Variants in KCNH5 observed in about 807,000 individuals in gnomAD.
KCNH5 encodes the protein potassium voltage-gated channel subfamily H member 5.
Under a neutral mutation model 96.1 loss-of-function variants are expected in KCNH5, and 46 were observed. The ratio of observed to expected loss-of-function variants is 0.48; its 90% CI spans 0.38 to 0.61. The LOEUF (loss-of-function observed/expected upper bound fraction) is 0.61. Among genes scored for constraint, KCNH5 ranks in the 20% least tolerant of loss-of-function variants. KCNH5 has a pLI of 0.00. For synonymous variants in KCNH5, 439 were observed against 449.8 expected (o/e 0.98, Z 0.30); for missense variants, 907 against 1,225.8 (o/e 0.74, Z 3.88).
At position 62,707,501 on chromosome 14, in the gene KCNH5, A is replaced by G; in HGVS notation, c.*7T>C. ...TTAATATATTAACAAATATATATGT[A>G]TATATATTAAAAGTGGATTTCATCT... On this transcript the variant is annotated 3_prime_UTR_variant, in exon 11 of 11. Transcript: ENST00000322893. 7.5e-7 allele frequency: 1 copy of G among 1,324,610 alleles called. No homozygotes were observed. Among genetic ancestry groups the G allele is most frequent in the Non-Finnish European group, 1.0e-6 (1 of 990,738 alleles). 82.1% of individuals were successfully genotyped at this position (1,324,610 alleles called of 1,614,324 possible). A position where few individuals can be genotyped will look rare whatever the true frequency, so the allele number is the denominator to read the frequency against.
chr14:62,801,376 TAA>T lies in KCNH5; in HGVS notation c.1822+951_1822+952del, dbSNP rs34625867. Among the ~76,000 whole-genome samples the T allele has an allele frequency of 2.6e-3, 362 of 138,398 alleles. 1 individual carries two copies. The highest frequency in any genetic ancestry group is 5.6e-3 in the African/African-American group (211 of 37,556). The allele number at this position is 138,398 out of a possible 152,430, so 90.8% of individuals were successfully genotyped here. ...TGCAATTCTAACTTATTTTACCTGG[TAA>T]AAAAAAAAAAAAAAGAAATGATTCT... On this transcript the variant is annotated intron_variant, in intron 9 of 10. Transcript: ENST00000322893.
At chr14:63,003,540 A>AT (rs1386386460) in intron 3 of KCNH5, among the ~76,000 whole-genome samples, 4 of 108,954 alleles carry the variant, frequency 3.7e-5, no homozygotes, top group African/African-American at 1.2e-4. Context: ...TATATTATAT[A>AT]TTATATATAG....
intron 5 of KCNH5, among the ~76,000 whole-genome samples, chr14:62,982,899 C>G (rs776127732): frequency 6.6e-6 from 1 of 152,104 alleles, no homozygotes; most frequent in Non-Finnish European, 1.5e-5. Context: ...AATTACTTAA[C>G]AGCAAATCAT....
intron 8 of KCNH5, among the ~76,000 whole-genome samples, chr14:62,810,878 T>C (rs1049629310): frequency 2.6e-5 from 4 of 152,196 alleles, no homozygotes; most frequent in African/African-American, 9.6e-5. Flanking sequence ...CCCTGAATTC[T>C]TTCTTGCATG....
At chr14:62,848,548 T>C (rs1887742402) in intron 8 of KCNH5, among the ~76,000 whole-genome samples, 2 of 152,110 alleles carry the variant, frequency 1.3e-5, no homozygotes, top group Non-Finnish European at 2.9e-5. Context: ...AAGGCTTCTC[T>C]CCCTCAACTC....
chr14:62,739,752 C>G (rs1451999772), intron 10 of KCNH5, among the ~76,000 whole-genome samples: 2 of 152,094 alleles, frequency 1.3e-5, no homozygotes, highest in Non-Finnish European at 2.9e-5. Flanking sequence ...GTTCCCAGAG[C>G]TATGGCAGGG....
intron 3 of KCNH5, among the ~76,000 whole-genome samples, 153 bp from the exon 4 acceptor site, chr14:63,001,612 G>A (rs757499293): frequency 1.3e-5 from 2 of 152,182 alleles, no homozygotes; most frequent in Admixed American, 6.5e-5. Context: ...CAAACAATCC[G>A]TAAACCTTTA....
chr14:62,881,616 A>G (rs1464497231), intron 7 of KCNH5, among the ~76,000 whole-genome samples: 2 of 152,186 alleles, frequency 1.3e-5, no homozygotes, highest in Non-Finnish European at 2.9e-5. Context: ...CATTTCTAGT[A>G]GAAATCCCTC....
At chr14:62,709,628 G>T (rs1209406457) in intron 10 of KCNH5, among the ~76,000 whole-genome samples, 1 of 152,144 alleles carries the variant, frequency 6.6e-6, no homozygotes. Context: ...CATAGTACAG[G>T]TGAGGGGTTA....
At chr14:62,989,874 C>T (rs1382601726) in intron 4 of KCNH5, among the ~76,000 whole-genome samples, 1 of 151,942 alleles carries the variant, frequency 6.6e-6, no homozygotes, top group African/African-American at 2.4e-5. Context: ...GTGGTGAGGG[C>T]GTCTTTGGAT....
chr14:62,992,004 A>C (rs1235398073), intron 4 of KCNH5, among the ~76,000 whole-genome samples: 1 of 151,932 alleles, frequency 6.6e-6, no homozygotes. Context: ...CAAGTCTCCA[A>C]TGTCTATCAT....
At chr14:62,887,803 G>GA (rs370534363) in intron 7 of KCNH5, among the ~76,000 whole-genome samples, 169 of 146,678 alleles carry the variant, frequency 1.2e-3, no homozygotes, top group African/African-American at 3.5e-3. Context: ...TACTGCATAA[G>GA]AAAAAAAAAA....
chr14:62,955,579 C>T (rs1280910397), intron 6 of KCNH5, among the ~76,000 whole-genome samples: 1 of 152,172 alleles, frequency 6.6e-6, no homozygotes, highest in South Asian at 2.1e-4. Flanking sequence ...AATTTTCCTT[C>T]GTTCATTCTG....
At chr14:63,044,972 C>A in intron 1 of KCNH5, 142 bp downstream of exon 1, 1 of 686,068 alleles carries the variant, frequency 1.5e-6, no homozygotes. Flanking sequence ...CACCCCAAAT[C>A]CAGCCCAACT....
At chr14:62,893,080 C>T (rs1174151677) in intron 7 of KCNH5, among the ~76,000 whole-genome samples, 1 of 152,052 alleles carries the variant, frequency 6.6e-6, no homozygotes, top group African/African-American at 2.4e-5. Context: ...CAGTGATTCC[C>T]CTGATAGATC....
intron 7 of KCNH5, among the ~76,000 whole-genome samples, chr14:62,892,724 A>G (rs1025118329): frequency 6.6e-6 from 1 of 152,082 alleles, no homozygotes; most frequent in South Asian, 2.1e-4. Flanking sequence ...CAAAAACCCA[A>G]AGGTCTTAAA....
At chr14:62,789,059 C>T (rs2139986215) in intron 9 of KCNH5, among the ~76,000 whole-genome samples, 2 of 152,144 alleles carry the variant, frequency 1.3e-5, no homozygotes, top group Middle Eastern at 6.8e-3. Context: ...TATTTTCTAT[C>T]CTTTGACCTA....
intron 7 of KCNH5, among the ~76,000 whole-genome samples, chr14:62,874,540 C>A (rs971805991): frequency 6.6e-6 from 1 of 151,860 alleles, no homozygotes; most frequent in African/African-American, 2.4e-5. Context: ...GTTCAATATA[C>A]GCAAATCAAT....
intron 10 of KCNH5, among the ~76,000 whole-genome samples, chr14:62,773,350 T>A (rs1220688402): frequency 6.6e-6 from 1 of 152,216 alleles, no homozygotes; most frequent in Non-Finnish European, 1.5e-5. Context: ...CCTTGTCACC[T>A]CCTGGAATCC....
Sources: gnomAD v4.1 joint callset for allele counts (sites outside exome capture counted in the v4.1 genomes callset) on GRCh38, gnomAD v4.1.1 for gene constraint, MANE v1.5 for transcripts, NCBI Gene and HGNC (gene_info 2026-07-23, HGNC 2026-07-21) for gene names.